PRELID2: variants seen among roughly 807,000 people sequenced by gnomAD.
PRELID2 encodes PRELI domain containing 2, also known as PRELI domain-containing protein 2.
A neutral mutation model predicts 28.4 loss-of-function variants in PRELID2; 25 were observed. The observed-to-expected ratio is 0.88, with a 90% CI of 0.64 to 1.23. The LOEUF (loss-of-function observed/expected upper bound fraction) is 1.23. Ranked by LOEUF, PRELID2 falls within the 50% of genes most tolerant of loss-of-function variation. The probability of loss-of-function intolerance (pLI) is 0.00; values close to 1 mark genes in which losing one functional copy is unlikely to be tolerated. For synonymous variants in PRELID2, 76 were observed against 71.6 expected (o/e 1.06, Z -0.31); for missense variants, 201 against 214.4 (o/e 0.94, Z 0.39).
At chr5:145,429,028 T>A in the PRELID2 span, among the ~76,000 whole-genome samples, 1 of 152,184 alleles carries the variant, frequency 6.6e-6, no homozygotes, top group Admixed American at 6.5e-5. Flanking sequence ...TAAATGGACT[T>A]CTGCTTTCCA....
chr5:145,505,602 G>T (rs1752404570), intron 1 of PRELID2, among the ~76,000 whole-genome samples: 1 of 151,952 alleles, frequency 6.6e-6, no homozygotes. Flanking sequence ...CTCATACTTG[G>T]AATAAAATGC....
intron 1 of PRELID2, among the ~76,000 whole-genome samples, chr5:145,637,183 T>G (rs1033533362): frequency 6.6e-6 from 1 of 152,138 alleles, no homozygotes; most frequent in Admixed American, 6.5e-5. Context: ...ACTGAAATAG[T>G]GATAATATTA....
intron 1 of PRELID2, among the ~76,000 whole-genome samples, chr5:145,509,251 T>G (rs17411333): frequency 6.6e-6 from 1 of 152,106 alleles, no homozygotes; most frequent in Non-Finnish European, 1.5e-5. Flanking sequence ...ACATACACTT[T>G]CTCGTCGAAA....
intron 1 of PRELID2, among the ~76,000 whole-genome samples, chr5:145,626,717 T>A (rs1322533506): frequency 6.6e-6 from 1 of 152,194 alleles, no homozygotes; most frequent in Non-Finnish European, 1.5e-5. Context: ...AAAAGATACC[T>A]GCACTTGTAT....
At chr5:145,508,870 T>A (rs1292546577) in intron 1 of PRELID2, among the ~76,000 whole-genome samples, 1 of 152,196 alleles carries the variant, frequency 6.6e-6, no homozygotes, top group Non-Finnish European at 1.5e-5. Context: ...AACATCATCC[T>A]GTGGCAGGGA....
In PRELID2 at chr5:145,526,061, G is replaced by A. The variant is rs150492921; in HGVS notation, n.71-52746C>T. On this transcript the variant is annotated intron_variant and non_coding_transcript_variant, in intron 1 of 2. Coordinates refer to the PRELID2 transcript ENST00000510259. ...AAGATGGTGCAGCTAGTGCTATGCC[G>A]CAGGGAAGCCCAGAGCACCATCATA... 2.6e-3 allele frequency among the ~76,000 whole-genome samples: 396 copies of A among 152,298 alleles called. 1 individual carries two copies. Among genetic ancestry groups the A allele is most frequent in the Admixed American group, 4.9e-3 (75 of 15,290 alleles).
Position 145,606,131 on chromosome 5 carries a change from T to C in PRELID2, n.71-132816A>G, listed in dbSNP as rs1230665843. 2.0e-5 allele frequency among the ~76,000 whole-genome samples: 3 copies of C among 152,146 alleles called. No individual in the cohort carries two copies. In the East Asian group the frequency reaches 5.8e-4, roughly 29 times the overall value. ...AACATTGTTTTTGCATCCTGAAATT[T>C]TGCTGAAGTTATTTGTCAGATTTAG... On this transcript the variant is annotated intron_variant and non_coding_transcript_variant, in intron 1 of 2. Coordinates refer to the PRELID2 transcript ENST00000510259.
At chr5:145,365,409 T>C in the PRELID2 span, among the ~76,000 whole-genome samples, 1 of 149,910 alleles carries the variant, frequency 6.7e-6, no homozygotes, top group South Asian at 2.2e-4. Context: ...ATATTGCTTG[T>C]CAATTAAAAA....
intron 1 of PRELID2, among the ~76,000 whole-genome samples, chr5:145,655,514 A>G (rs1206058377): frequency 6.6e-6 from 1 of 152,246 alleles, no homozygotes; most frequent in Non-Finnish European, 1.5e-5. Context: ...ACAAGGCTAC[A>G]GTAACCAAAA....
chr5:145,638,003 G>T lies in PRELID2; in HGVS notation n.70+126928C>A, dbSNP rs1036753703. On this transcript the variant is annotated intron_variant and non_coding_transcript_variant, in intron 1 of 2. Coordinates refer to the PRELID2 transcript ENST00000510259. ...TTTTTGTATTTTCAGTAGAGATGGG[G>T]TTTCACCATGTTGGCCAGGCTGGGC... Among the ~76,000 whole-genome samples, 9 of 152,162 alleles carry T rather than the reference G, an allele frequency of 5.9e-5. No homozygotes were observed. In the South Asian group the frequency reaches 1.9e-3, roughly 32 times the overall value.
the PRELID2 span, among the ~76,000 whole-genome samples, chr5:145,273,306 C>T: frequency 6.6e-6 from 1 of 152,198 alleles, no homozygotes; most frequent in South Asian, 2.1e-4. Flanking sequence ...GGACTGGGAG[C>T]AAATGCTTTT....
At chr5:145,808,980 C>T (rs576808391) in intron 4 of PRELID2, among the ~76,000 whole-genome samples, 34 of 149,362 alleles carry the variant, frequency 2.3e-4, no homozygotes, top group Non-Finnish European at 3.7e-4. Flanking sequence ...CTATATTCCA[C>T]GAGGGATATA....
intron 1 of PRELID2, among the ~76,000 whole-genome samples, chr5:145,693,353 G>T (rs1755188865): frequency 6.6e-6 from 1 of 151,826 alleles, no homozygotes; most frequent in Admixed American, 6.6e-5. Flanking sequence ...TCACCATGTT[G>T]CCCAGGCTGG....
the PRELID2 span, among the ~76,000 whole-genome samples, chr5:145,283,738 T>G: frequency 6.6e-6 from 1 of 152,210 alleles, no homozygotes; most frequent in Non-Finnish European, 1.5e-5. Flanking sequence ...TAATTCTTTA[T>G]GATGAGTATA....
the PRELID2 span, among the ~76,000 whole-genome samples, chr5:145,411,223 C>T: frequency 5.9e-5 from 9 of 152,236 alleles, no homozygotes; most frequent in East Asian, 9.7e-4. Flanking sequence ...TCACATCTTA[C>T]GTGGATGACA....
the PRELID2 span, among the ~76,000 whole-genome samples, chr5:145,285,206 T>A: frequency 6.6e-6 from 1 of 152,088 alleles, no homozygotes; most frequent in African/African-American, 2.4e-5. Flanking sequence ...ATACTATCAG[T>A]CTGAGGCACA....
chr5:145,592,520 G>A (rs978318595), intron 1 of PRELID2, among the ~76,000 whole-genome samples: 1 of 151,872 alleles, frequency 6.6e-6, no homozygotes, highest in Admixed American at 6.6e-5. Flanking sequence ...GACCACAGCA[G>A]AATAGAAAGT....
intron 1 of PRELID2, among the ~76,000 whole-genome samples, chr5:145,489,413 T>C (rs1188892053): frequency 6.6e-6 from 1 of 152,200 alleles, no homozygotes; most frequent in African/African-American, 2.4e-5. Context: ...TTGTGTATTT[T>C]ACATGCATGA....
At chr5:145,443,303 T>C in the PRELID2 span, among the ~76,000 whole-genome samples, 2 of 152,102 alleles carry the variant, frequency 1.3e-5, no homozygotes, top group Non-Finnish European at 2.9e-5. Context: ...CTCTGCTTCA[T>C]GTTTTATACC....
Sources: allele counts gnomAD v4.1 joint callset (sites outside exome capture counted in the v4.1 genomes callset), GRCh38; gene constraint gnomAD v4.1.1; transcripts MANE v1.5; gene names NCBI Gene and HGNC (gene_info 2026-07-23, HGNC 2026-07-21).